Variants in ASPSCR1 observed in about 807,000 individuals in gnomAD.
ASPSCR1 encodes tether containing UBX domain for GLUT4.
Under a neutral mutation model 68.9 loss-of-function variants are expected in ASPSCR1, and 55 were observed. That is an observed-to-expected ratio of 0.80 (90% CI 0.64 to 1.00). ASPSCR1 has a LOEUF of 1.00. Among genes scored for constraint, ASPSCR1 ranks in the 50% least tolerant of loss-of-function variants. ASPSCR1 has a pLI of 0.00. For synonymous variants in ASPSCR1, 352 were observed against 332.6 expected (o/e 1.06, Z -0.63); for missense variants, 765 against 762.2 (o/e 1.00, Z -0.04).
At chr17:81,980,724 C>T (rs570611585) in intron 2 of ASPSCR1, among the ~76,000 whole-genome samples, 6 of 152,290 alleles carry the variant, frequency 3.9e-5, no homozygotes, top group East Asian at 1.9e-4. Flanking sequence ...CTGATACAGA[C>T]GTACTTAATA....
rs536298255 is a variant in ASPSCR1 at position 81,983,889 on chromosome 17, G to T, written c.273+221G>T. The stretch of plus-strand genomic sequence containing the variant: ...TTTTTTTTTTTTGAGCTGGAGTCTC[G>T]CTCTGTCGCCCAGGCTGGAGCTCAG... On this transcript the variant is annotated intron_variant, in intron 3 of 15. Coordinates refer to ENST00000306739, the MANE Select transcript of ASPSCR1 (RefSeq NM_024083.4). The surrounding 1 kb of genome is among the most constrained non-coding windows in gnomAD (Gnocchi z 4.4). Among the ~76,000 whole-genome samples, 2 of 149,914 alleles carry T rather than the reference G, an allele frequency of 1.3e-5. No homozygotes were observed. The highest frequency in any genetic ancestry group is 4.9e-5 in the African/African-American group (2 of 40,548).
intron 4 of ASPSCR1, among the ~76,000 whole-genome samples, chr17:81,993,435 G>A (rs567174391): frequency 2.0e-5 from 3 of 152,100 alleles, no homozygotes; most frequent in Non-Finnish European, 2.9e-5. Flanking sequence ...GGATGGTCTC[G>A]ATCTCCTGAC....
chr17:82,011,569 A>G lies in ASPSCR1; in HGVS notation c.1264A>G (p.Ser422Gly), dbSNP rs770644643. The change falls in exon 11 of 16, where the codon AGC becomes GGC. Residue 422 changes from serine (S) to glycine (G), a missense_variant. Physicochemically the swap from Ser to Gly is moderately conservative, Grantham distance 56. Coordinates refer to ENST00000306739, the MANE Select transcript of ASPSCR1 (RefSeq NM_024083.4). Reference sequence around the variant, plus strand: ...GGGGGACTTGCGAGACTTCGTGAGGAGCCACCTGGGGAACCCCGAGCTGTC... The same window carrying G: ...GGGGGACTTGCGAGACTTCGTGAGGGGCCACCTGGGGAACCCCGAGCTGTC... ...TVGDLRDFVR[S>G]HLGNPELSFY... The G allele has an allele frequency of 1.9e-6, 3 of 1,579,546 alleles. No individual in the cohort carries two copies. The highest frequency in any genetic ancestry group is 1.2e-5 in the South Asian group (1 of 85,812).
In ASPSCR1 at chr17:81,996,008, C is replaced by T. The variant is rs776784908; in HGVS notation, c.449C>T (p.Ala150Val). The T allele has an allele frequency of 4.3e-6, 7 of 1,610,134 alleles. No individual in the cohort carries two copies. Among genetic ancestry groups the T allele is most frequent in the Non-Finnish European group, 5.9e-6 (7 of 1,179,144 alleles). The change falls in exon 6 of 16, where the codon GCC (alanine) becomes GTC (valine). Residue 150 changes from alanine to valine, a missense_variant. Coordinates refer to ENST00000306739, the MANE Select transcript of ASPSCR1 (RefSeq NM_024083.4). Reference sequence around the variant, plus strand: ...CTCCTGCAGGTGACGGGTGAAGCTGCCCTGCGGGGCACGACGCTGCAGTCG... The same window carrying T: ...CTCCTGCAGGTGACGGGTGAAGCTGTCCTGCGGGGCACGACGCTGCAGTCG... Reference protein sequence around the residue: ...YTRDEVTGEAALRGTTLQSLG... With the variant: ...YTRDEVTGEAVLRGTTLQSLG...
At position 82,009,021 on chromosome 17, in the gene ASPSCR1, C is replaced by G. The variant is rs773350181; in HGVS notation, c.934-16C>G. On this transcript the variant is annotated splice_polypyrimidine_tract_variant and intron_variant, in intron 7 of 15. Transcript: ENST00000306739. ...AGCCCGTGACACCCGCCGTCAGCCG[C>G]GCCCTCTGCCTCCAGCCCGTGGACC... 1 of 1,502,634 alleles carries G rather than the reference C, an allele frequency of 6.7e-7. No homozygotes were observed. Among genetic ancestry groups the G allele is most frequent in the Non-Finnish European group, 8.9e-7 (1 of 1,122,760 alleles). The allele number at this position is 1,502,634 out of a possible 1,614,324, so 93.1% of individuals were successfully genotyped here. A position where few individuals can be genotyped will look rare whatever the true frequency, so the allele number is the denominator to read the frequency against.
chr17:81,993,538 G>A (rs989644011), intron 4 of ASPSCR1, among the ~76,000 whole-genome samples: 3 of 152,200 alleles, frequency 2.0e-5, no homozygotes, highest in African/African-American at 7.2e-5. Flanking sequence ...AAGTAGGTCA[G>A]CAGATCCCAG....
rs1287843752 is a variant in ASPSCR1 at position 82,009,070 on chromosome 17, G to A, written c.967G>A (p.Val323Met). Residue 323 changes from valine to methionine, a missense_variant, in exon 8 of 16, where the codon GTG (valine) becomes ATG (methionine). Transcript: ENST00000306739. ...VDREPVDREP[V>M]VCHPDLEERL... ...CCGGGAGCCCGTGGACCGGGAGCCG[G>A]TGGTGTGCCACCCCGACCTGGAGGA... 6.4e-7 allele frequency: 1 copy of A among 1,571,226 alleles called. No individual in the cohort carries two copies. Among genetic ancestry groups the A allele is most frequent in the East Asian group, 2.4e-5 (1 of 42,366 alleles).
rs183515194 is a variant in ASPSCR1, at chr17:81,998,755, C to T, written c.933+1909C>T. Among the ~76,000 whole-genome samples the T allele has an allele frequency of 2.0e-5, 3 of 152,370 alleles. No homozygotes were observed. The East Asian group carries it at 5.8e-4, about 29-fold the overall frequency. ...AGTTTGGGAATCGAATTTCACCTGG[C>T]TCACAAGGGAGCTGGGCAGTGGCCC... On this transcript the variant is annotated intron_variant, in intron 7 of 15. Transcript: ENST00000306739.
At chr17:81,993,354 C>T (rs1196230814) in intron 4 of ASPSCR1, among the ~76,000 whole-genome samples, 2 of 152,306 alleles carry the variant, frequency 1.3e-5, no homozygotes, top group East Asian at 3.9e-4. Context: ...GCTGGGACCA[C>T]AGGCGCCCGC....
Position 81,982,422 on chromosome 17 carries a change from G to A in ASPSCR1, c.159-1132G>A, listed in dbSNP as rs113129849. Among the ~76,000 whole-genome samples, 704 of 152,348 alleles carry A rather than the reference G, an allele frequency of 4.6e-3. 2 individuals carry two copies. The highest frequency in any genetic ancestry group is 7.8e-3 in the Non-Finnish European group (532 of 68,036). On this transcript the variant is annotated intron_variant, in intron 2 of 15. Coordinates refer to ENST00000306739, the MANE Select transcript of ASPSCR1 (RefSeq NM_024083.4). Reference sequence around the variant, plus strand: ...TAATGGTACCACTTGCTTACAAAGTGCAGCCGGTGCAGAGGAATGCAGCCC... The same window carrying A: ...TAATGGTACCACTTGCTTACAAAGTACAGCCGGTGCAGAGGAATGCAGCCC...
chr17:81,997,102 G>GTGGGC lies in ASPSCR1; in HGVS notation c.933+257_933+258insGGGCT, dbSNP rs1267113878. Among the ~76,000 whole-genome samples, 8 of 150,604 alleles carry GTGGGC rather than the reference G, an allele frequency of 5.3e-5. No individual in the cohort carries two copies. The South Asian group carries it at 6.3e-4, about 12-fold the overall frequency. Reference sequence around the variant, plus strand: ...TGTGTCTGCTCCGGGATGAGGCCGTGTCCGCTCCGGGATGAGGCCGTGTGG... The same window carrying GTGGGC: ...TGTGTCTGCTCCGGGATGAGGCCGTGTGGGCTCCGCTCCGGGATGAGGCCGTGTGG... On this transcript the variant is annotated intron_variant, in intron 7 of 15. Coordinates refer to ENST00000306739, the MANE Select transcript of ASPSCR1 (RefSeq NM_024083.4).
Position 81,977,686 on chromosome 17 carries a change from G to C in ASPSCR1, c.40G>C (p.Val14Leu), listed in dbSNP as rs772718306. 2.2e-6 allele frequency: 3 copies of C among 1,384,772 alleles called. No individual in the cohort carries two copies. The highest frequency in any genetic ancestry group is 2.8e-6 in the Non-Finnish European group (3 of 1,063,222). The allele number at this position is 1,384,772 out of a possible 1,614,324, so 85.8% of individuals were successfully genotyped here. The change falls in exon 1 of 16, where the codon GTG (valine) becomes CTG (leucine). Residue 14 changes from valine to leucine, a missense_variant. By Grantham distance (32) the Val-to-Leu change is conservative. Coordinates refer to ENST00000306739, the MANE Select transcript of ASPSCR1 (RefSeq NM_024083.4). The surrounding 1 kb of genome is among the most constrained non-coding windows in gnomAD (Gnocchi z 5.0). The stretch of plus-strand genomic sequence containing the variant: ...AGGCGGCGGAGGCTCCGCGGTGTCG[G>C]TGCTGGCCCCGAACGGCCGGCGCCA... ...PAGGGGSAVSVLAPNGRRHTV... is the reference protein window; with the variant it reads ...PAGGGGSAVSLLAPNGRRHTV...
At chr17:82,008,067 T>C (rs2042781929) in intron 7 of ASPSCR1, 1 of 152,252 alleles carries the variant, frequency 6.6e-6, no homozygotes. Flanking sequence ...CAGGGCCCTG[T>C]CGCCCACAGC....
At chr17:82,002,886 T>A (rs1567979632) in intron 7 of ASPSCR1, among the ~76,000 whole-genome samples, 4 of 150,404 alleles carry the variant, frequency 2.7e-5, no homozygotes, top group Non-Finnish European at 5.9e-5. Flanking sequence ...ATAACTTTTT[T>A]TTTTTCGAGA....
chr17:82,005,672 T>C lies in ASPSCR1; in HGVS notation c.934-3365T>C, dbSNP rs531754139. On this transcript the variant is annotated intron_variant, in intron 7 of 15. Transcript: ENST00000306739. ...TGGGAGCTTTCCAGGTGGGGATGTT[T>C]GTAGGGACAGTGGTATGGCATCCAG... The C allele has an allele frequency of 8.5e-5, 13 of 152,374 alleles. 1 individual carries two copies. Among genetic ancestry groups the C allele is most frequent in the African/African-American group, 3.1e-4 (13 of 41,552 alleles). The allele number at this position is 152,374 out of a possible 1,614,324, so 9.4% of individuals were successfully genotyped here.
intron 4 of ASPSCR1, 26 bp downstream of exon 4, chr17:81,985,633 T>C (rs2041971799): frequency 1.3e-6 from 2 of 1,596,960 alleles, no homozygotes; most frequent in Non-Finnish European, 1.7e-6. Context: ...CTGGGGGCTC[T>C]TCCCTACCCT....
chr17:81,996,588 C>T lies in ASPSCR1; in HGVS notation c.675C>T (p.Cys225=), dbSNP rs752748823. 10 of 1,611,464 alleles carry T rather than the reference C, an allele frequency of 6.2e-6. No homozygotes were observed. The highest frequency in any genetic ancestry group is 2.2e-5 in the South Asian group (2 of 91,018). ...PEDADTSGPC[C]EHTQEKQSTR... ...ACGCGGACACCTCAGGGCCCTGCTG[C>T]GAGCACACTCAGGAGAAGCAGAGCA... Residue 225 remains cysteine (C), a synonymous_variant, in exon 7 of 16, where the codon TGC becomes TGT. Coordinates refer to ENST00000306739, the MANE Select transcript of ASPSCR1 (RefSeq NM_024083.4).
chr17:81,989,180 C>T (rs1449300570), intron 4 of ASPSCR1, among the ~76,000 whole-genome samples: 2 of 152,194 alleles, frequency 1.3e-5, no homozygotes, highest in Non-Finnish European at 2.9e-5. Flanking sequence ...TGCATTCCAG[C>T]CTGGGCGACA....
At position 82,009,640 on chromosome 17, in the gene ASPSCR1, T is replaced by TA. The variant is rs1567988499; in HGVS notation, c.1170+73_1170+74insA. ...CCCCCCGTGAGGTCTGTGGACGGGA[T>TA]GGGGCGACTGAGGCACAGCTCTGAG... On this transcript the variant is annotated intron_variant, in intron 9 of 15. Coordinates refer to ENST00000306739, the MANE Select transcript of ASPSCR1 (RefSeq NM_024083.4). The TA allele has an allele frequency of 8.0e-4, 255 of 317,600 alleles. 1 individual carries two copies. In the African/African-American group the frequency reaches 0.032, roughly 39 times the overall value. 19.7% of individuals were successfully genotyped at this position (317,600 alleles called of 1,614,324 possible). A position where few individuals can be genotyped will look rare whatever the true frequency, so the allele number is the denominator to read the frequency against.
Sources: allele counts gnomAD v4.1 joint callset (sites outside exome capture counted in the v4.1 genomes callset), GRCh38; gene constraint gnomAD v4.1.1; non-coding constraint Gnocchi (gnomAD v3.1); transcripts MANE v1.5; gene names NCBI Gene and HGNC (gene_info 2026-07-23, HGNC 2026-07-21).